NCMAP: variants seen among roughly 807,000 people sequenced by gnomAD.
The protein encoded by NCMAP is non-compact myelin associated protein.
A neutral mutation model predicts 7.8 loss-of-function variants in NCMAP; 8 were observed. The ratio of observed to expected loss-of-function variants is 1.02; its 90% CI spans 0.60 to 1.84. The LOEUF (loss-of-function observed/expected upper bound fraction) is 1.84, where lower values mean the gene tolerates loss of function less well. Among genes scored for constraint, NCMAP ranks in the 40% most tolerant of loss-of-function variants. The probability of loss-of-function intolerance (pLI) is 0.00; values close to 1 mark genes in which losing one functional copy is unlikely to be tolerated. For synonymous variants in NCMAP, 41 were observed against 52.9 expected (o/e 0.78, Z 0.98); for missense variants, 112 against 131.4 (o/e 0.85, Z 0.72).
Position 24,576,205 on chromosome 1 carries a change from G to T in NCMAP, c.-7-19219G>T, listed in dbSNP as rs113610421. ...AGCCACAGAAAGGCCACTTAGGTCTGTGCGGCATCCACATCCCACCTCCTG... is the reference window on the plus strand; with the variant it reads ...AGCCACAGAAAGGCCACTTAGGTCTTTGCGGCATCCACATCCCACCTCCTG... On this transcript the variant is annotated intron_variant, in intron 1 of 3. Coordinates refer to ENST00000374392, the MANE Select transcript of NCMAP (RefSeq NM_001010980.5). This position sits in a 1 kb window ranked among gnomAD's most constrained non-coding sequence, Gnocchi z 4.0. 1.0e-3 allele frequency among the ~76,000 whole-genome samples: 152 copies of T among 152,302 alleles called. No individual in the cohort carries two copies. Among genetic ancestry groups the T allele is most frequent in the African/African-American group, 3.5e-3 (147 of 41,564 alleles).
intron 2 of NCMAP, among the ~76,000 whole-genome samples, chr1:24,600,116 G>GCA (rs1652426301): frequency 6.7e-6 from 1 of 149,912 alleles, no homozygotes; most frequent in African/African-American, 2.5e-5. Context: ...GATTACAGAT[G>GCA]TGAGCCACTG....
At chr1:24,575,712 G>A (rs1408372514) in intron 1 of NCMAP, among the ~76,000 whole-genome samples, 5 of 151,194 alleles carry the variant, frequency 3.3e-5, no homozygotes, top group Non-Finnish European at 7.4e-5. Flanking sequence ...TTGAGAGGCC[G>A]AGGCGGCTGG....
intron 1 of NCMAP, among the ~76,000 whole-genome samples, chr1:24,581,746 C>T (rs1651752299): frequency 6.6e-6 from 1 of 152,178 alleles, no homozygotes; most frequent in Non-Finnish European, 1.5e-5. Context: ...CTAAAGCAGA[C>T]AGTCTACTTT....
rs1651238165 is a variant in NCMAP, at chr1:24,566,722, C to A, written c.-8+10553C>A. Among the ~76,000 whole-genome samples the A allele has an allele frequency of 3.9e-5, 6 of 152,186 alleles. No individual in the cohort carries two copies. In the South Asian group the frequency reaches 1.2e-3, roughly 32 times the overall value. ...AGGGAAGAGGCTGGAGGCTTCTATT[C>A]CTTCACAGTGACATATCCCAGCCCC... On this transcript the variant is annotated intron_variant, in intron 1 of 3. Coordinates refer to ENST00000374392, the MANE Select transcript of NCMAP (RefSeq NM_001010980.5).
Position 24,598,460 on chromosome 1 carries a change from T to C in NCMAP, c.83-2480T>C, listed in dbSNP as rs184623193. ...ACCATCGATTAGTTCTGCTTGGTTT[T>C]GAACTTTATATAAATGGCCTATAGG... is the stretch of plus-strand genomic sequence containing the variant. On this transcript the variant is annotated intron_variant, in intron 2 of 3. Transcript: ENST00000374392. 2.6e-5 allele frequency among the ~76,000 whole-genome samples: 4 copies of C among 152,198 alleles called. No homozygotes were observed. In the East Asian group the frequency reaches 7.7e-4, roughly 29 times the overall value.
chr1:24,586,412 A>G (rs936845318), intron 1 of NCMAP, among the ~76,000 whole-genome samples: 1 of 152,238 alleles, frequency 6.6e-6, no homozygotes. Flanking sequence ...GCAGACCATC[A>G]TGATATTGTC....
chr1:24,572,130 TG>T (rs1651409339), intron 1 of NCMAP, among the ~76,000 whole-genome samples: 1 of 149,642 alleles, frequency 6.7e-6, no homozygotes, highest in African/African-American at 2.6e-5. Context: ...CATCCAAAGC[TG>T]GGGCAGCGGC....
intron 1 of NCMAP, among the ~76,000 whole-genome samples, chr1:24,573,821 G>C (rs1190803802): frequency 6.7e-6 from 1 of 149,696 alleles, no homozygotes; most frequent in Non-Finnish European, 1.5e-5. Flanking sequence ...ACCTAGTAAA[G>C]CATTATTTTG....
chr1:24,597,543 A>G (rs950999027), intron 2 of NCMAP, among the ~76,000 whole-genome samples: 4 of 18,912 alleles, frequency 2.1e-4, no homozygotes, highest in Non-Finnish European at 2.7e-4. Flanking sequence ...GGGGAGGGGG[A>G]GGGGGAGGAG....
At chr1:24,575,160 G>A (rs1465904043) in intron 1 of NCMAP, among the ~76,000 whole-genome samples, 2 of 151,702 alleles carry the variant, frequency 1.3e-5, no homozygotes, top group Non-Finnish European at 2.9e-5. Context: ...GCAGTGACCC[G>A]AGATCGTGCC....
chr1:24,583,673 G>T (rs908122317), intron 1 of NCMAP, among the ~76,000 whole-genome samples: 1 of 144,612 alleles, frequency 6.9e-6, no homozygotes, highest in Admixed American at 7.1e-5. Flanking sequence ...CTGAGATCAC[G>T]CCACTGGACT....
At chr1:24,563,310 T>C (rs540211872) in intron 1 of NCMAP, among the ~76,000 whole-genome samples, 17 of 150,680 alleles carry the variant, frequency 1.1e-4, no homozygotes, top group Admixed American at 6.6e-5. Context: ...TGACCTGAGG[T>C]TGGGAATTCA....
chr1:24,582,149 G>T (rs1651765385), intron 1 of NCMAP, among the ~76,000 whole-genome samples: 1 of 152,074 alleles, frequency 6.6e-6, no homozygotes, highest in African/African-American at 2.4e-5. Context: ...CTGATTCGTT[G>T]CTCGTGCCGA....
At chr1:24,572,468 G>C (rs1005370816) in intron 1 of NCMAP, among the ~76,000 whole-genome samples, 2 of 150,606 alleles carry the variant, frequency 1.3e-5, no homozygotes, top group Non-Finnish European at 2.9e-5. Flanking sequence ...ATGGTTTGTG[G>C]GTAACAGATA....
In NCMAP at chr1:24,589,266, G is replaced by T. The variant is rs111889431; in HGVS notation, c.-7-6158G>T. Among the ~76,000 whole-genome samples the T allele has an allele frequency of 5.8e-3, 884 of 152,112 alleles. 8 individuals are homozygous for T. Among genetic ancestry groups the T allele is most frequent in the African/African-American group, 0.019 (782 of 41,498 alleles). ...TCCCTGTCCTCTTTGTGTTTTCTATGGTCATGGCCCCTGGTCTTAGGGACG... is the reference window on the plus strand; with the variant it reads ...TCCCTGTCCTCTTTGTGTTTTCTATTGTCATGGCCCCTGGTCTTAGGGACG... On this transcript the variant is annotated intron_variant, in intron 1 of 3. Coordinates refer to ENST00000374392, the MANE Select transcript of NCMAP (RefSeq NM_001010980.5).
At chr1:24,564,700 C>T (rs1651170223) in intron 1 of NCMAP, among the ~76,000 whole-genome samples, 1 of 151,774 alleles carries the variant, frequency 6.6e-6, no homozygotes, top group Non-Finnish European at 1.5e-5. Context: ...GAGTAACCAA[C>T]AGTAGAAAAG....
In NCMAP at chr1:24,607,926, G is replaced by A. The variant is rs1652817443; in HGVS notation, c.*2179G>A. Reference sequence around the variant, plus strand: ...TCAGGGAGGTAAGAGGTCTTACCCAGGGTCACACAGCTCATGATATCCCAC... The same window carrying A: ...TCAGGGAGGTAAGAGGTCTTACCCAAGGTCACACAGCTCATGATATCCCAC... On this transcript the variant is annotated 3_prime_UTR_variant, in exon 4 of 4. Transcript: ENST00000374392. 1 of 152,182 alleles carries A rather than the reference G, an allele frequency of 6.6e-6. No individual in the cohort carries two copies. Among genetic ancestry groups the A allele is most frequent in the Non-Finnish European group, 1.5e-5 (1 of 68,044 alleles). 9.4% of individuals were successfully genotyped at this position (152,182 alleles called of 1,614,324 possible).
At chr1:24,565,428 G>A (rs1651198805) in intron 1 of NCMAP, among the ~76,000 whole-genome samples, 1 of 152,148 alleles carries the variant, frequency 6.6e-6, no homozygotes, top group Non-Finnish European at 1.5e-5. Flanking sequence ...AACAAGGAGA[G>A]AGTGAGTCCT....
intron 1 of NCMAP, among the ~76,000 whole-genome samples, chr1:24,591,053 C>G (rs148817388): frequency 1.4e-5 from 2 of 146,982 alleles, no homozygotes; most frequent in African/African-American, 2.5e-5. Flanking sequence ...GACCCAGACA[C>G]TTTATCTGAG....
Sources: allele counts gnomAD v4.1 joint callset (sites outside exome capture counted in the v4.1 genomes callset), GRCh38; gene constraint gnomAD v4.1.1; non-coding constraint Gnocchi (gnomAD v3.1); transcripts MANE v1.5; gene names NCBI Gene and HGNC (gene_info 2026-07-23, HGNC 2026-07-21).